Variants in RASSF8 observed in about 807,000 individuals in gnomAD.
The protein encoded by RASSF8 is ras association domain-containing protein 8.
In RASSF8, 22 loss-of-function variants were observed where a neutral mutation model predicts 48.5. The observed-to-expected ratio is 0.45, with a 90% CI of 0.32 to 0.65. The LOEUF (loss-of-function observed/expected upper bound fraction) is 0.65. RASSF8 is among the 30% of genes least tolerant of loss of function. The pLI, the probability that RASSF8 is intolerant of heterozygous loss-of-function variation, is 0.03. For synonymous variants in RASSF8, 127 were observed against 171.5 expected, an observed-to-expected ratio of 0.74 and a Z score of 2.03; for missense variants, 418 against 489.2, an observed-to-expected ratio of 0.85 and a Z score of 1.37.
intron 1 of RASSF8, among the ~76,000 whole-genome samples, chr12:25,964,010 A>C (rs1941298368): frequency 6.6e-6 from 1 of 152,204 alleles, no homozygotes; most frequent in Admixed American, 6.5e-5. Flanking sequence ...GATTTTAAAA[A>C]TGTTGAGAGC....
Position 26,071,596 on chromosome 12 carries a change from T to C in RASSF8, c.*2778T>C, listed in dbSNP as rs1944001885. ...TGTGGACATAGTGTCCATAGTCCCT[T>C]TCTTGTCCTTCTGAGATATTTTGGT... is the stretch of plus-strand genomic sequence containing the variant. On this transcript the variant is annotated 3_prime_UTR_variant, in exon 6 of 6. Coordinates refer to ENST00000689635, the MANE Select transcript of RASSF8 (RefSeq NM_001394098.1). 1.0e-6 allele frequency: 1 copy of C among 985,082 alleles called. No homozygotes were observed. Among genetic ancestry groups the C allele is most frequent in the Non-Finnish European group, 1.2e-6 (1 of 829,726 alleles). The allele number at this position is 985,082 out of a possible 1,614,324, so 61.0% of individuals were successfully genotyped here.
chr12:26,047,163 G>A (rs557570952), intron 2 of RASSF8, among the ~76,000 whole-genome samples: 1 of 152,258 alleles, frequency 6.6e-6, no homozygotes, highest in South Asian at 2.1e-4. Flanking sequence ...TTGCAAAACA[G>A]ATGGCTTTTT....
At chr12:26,079,510 G>C (rs1187592428) in exon 6 of RASSF8, 1 of 151,870 alleles carries the variant, frequency 6.6e-6, no homozygotes. Flanking sequence ...AGGATTGTTT[G>C]AACCCGGGAG....
At chr12:25,973,229 G>T (rs1209938545) in intron 1 of RASSF8, among the ~76,000 whole-genome samples, 1 of 151,526 alleles carries the variant, frequency 6.6e-6, no homozygotes, top group Non-Finnish European at 1.5e-5. Context: ...AGAAGCAAAG[G>T]CTAGTTTATT....
downstream of RASSF8, among the ~76,000 whole-genome samples, chr12:26,073,768 CACACACACAT>C (rs1393001555): frequency 2.9e-5 from 4 of 136,644 alleles, no homozygotes; most frequent in African/African-American, 1.1e-4. Flanking sequence ...CACACACACA[CACACACACAT>C]ATATATATAC....
In RASSF8 at chr12:26,043,324, G is replaced by A. The variant is rs115994546; in HGVS notation, c.-108-11912G>A. 1.7e-4 allele frequency among the ~76,000 whole-genome samples: 26 copies of A among 152,322 alleles called. 1 individual carries two copies. The highest frequency in any genetic ancestry group is 5.3e-4 in the African/African-American group (22 of 41,568). The stretch of plus-strand genomic sequence containing the variant: ...ATATGCAGCTCAGAGATGCTTGGGA[G>A]AGTGATAGATTGAGAGAACAGAAAT... On this transcript the variant is annotated intron_variant, in intron 2 of 5. Transcript: ENST00000689635.
chr12:26,006,368 C>T (rs1178851335), intron 2 of RASSF8, among the ~76,000 whole-genome samples: 1 of 152,176 alleles, frequency 6.6e-6, no homozygotes, highest in Non-Finnish European at 1.5e-5. Flanking sequence ...GTCTCTAAAA[C>T]CTCCAGTCTC....
chr12:26,074,510 AT>A (rs79590266), downstream of RASSF8, among the ~76,000 whole-genome samples: 9,926 of 144,208 alleles, frequency 0.069, 767 homozygotes, highest in East Asian at 0.29. Context: ...GCCCAGCCAA[AT>A]TTTTTTTTTT....
Position 26,071,185 on chromosome 12 carries a change from G to C in RASSF8, c.*2367G>C, listed in dbSNP as rs1450281302. On this transcript the variant is annotated 3_prime_UTR_variant, in exon 6 of 6. Transcript: ENST00000689635. ...TAAGGAATATTTTCTAAGACTCAGA[G>C]GGAAAAAAACTCGTTTTCATAGGAT... is the stretch of plus-strand genomic sequence containing the variant. The C allele has an allele frequency of 1.3e-4, 131 of 978,248 alleles. No homozygotes were observed. Among genetic ancestry groups the C allele is most frequent in the Non-Finnish European group, 1.5e-4 (127 of 823,624 alleles). The allele number at this position is 978,248 out of a possible 1,614,324, so 60.6% of individuals were successfully genotyped here.
intron 1 of RASSF8, chr12:25,973,784 C>T (rs1941538255): frequency 6.6e-6 from 1 of 152,306 alleles, no homozygotes; most frequent in South Asian, 2.1e-4. Flanking sequence ...AGGTGCCATC[C>T]GTGAACCAAA....
At chr12:26,010,911 A>C (rs1232753699) in intron 2 of RASSF8, among the ~76,000 whole-genome samples, 1 of 152,106 alleles carries the variant, frequency 6.6e-6, no homozygotes, top group Non-Finnish European at 1.5e-5. Context: ...AAAAAAAAAC[A>C]GCTCCTCTCC....
intron 1 of RASSF8, among the ~76,000 whole-genome samples, chr12:25,972,445 CCAG>C (rs2136867783): frequency 6.6e-6 from 1 of 152,080 alleles, no homozygotes; most frequent in East Asian, 1.9e-4. Flanking sequence ...GGCATTTACT[CCAG>C]CAGTATTTAT....
intron 2 of RASSF8, among the ~76,000 whole-genome samples, chr12:26,018,717 C>G (rs915406130): frequency 6.6e-6 from 1 of 152,158 alleles, no homozygotes; most frequent in Non-Finnish European, 1.5e-5. Context: ...GGGATAATTA[C>G]CTGCCCACCA....
At chr12:26,008,144 G>A (rs1942435234) in intron 2 of RASSF8, among the ~76,000 whole-genome samples, 2 of 152,022 alleles carry the variant, frequency 1.3e-5, no homozygotes, top group Admixed American at 1.3e-4. Context: ...GTGGTGGCGG[G>A]CGCCTGTAGT....
chr12:26,019,033 C>T (rs765665927), intron 2 of RASSF8, among the ~76,000 whole-genome samples: 1 of 152,046 alleles, frequency 6.6e-6, no homozygotes, highest in Non-Finnish European at 1.5e-5. Flanking sequence ...TAGAGGAGGT[C>T]TTTTGGGTCA....
chr12:26,044,748 G>GTATC (rs1300929856), intron 2 of RASSF8, among the ~76,000 whole-genome samples: 1 of 152,118 alleles, frequency 6.6e-6, no homozygotes, highest in African/African-American at 2.4e-5. Context: ...CTTAAACTTA[G>GTATC]TATCTGTCTT....
chr12:26,028,592 A>T (rs1942964369), intron 2 of RASSF8, among the ~76,000 whole-genome samples: 1 of 152,206 alleles, frequency 6.6e-6, no homozygotes, highest in South Asian at 2.1e-4. Context: ...TACTTCTTGC[A>T]GCTACGGTAA....
chr12:26,025,226 AG>A (rs2137081181), intron 2 of RASSF8, among the ~76,000 whole-genome samples: 1 of 152,118 alleles, frequency 6.6e-6, no homozygotes, highest in South Asian at 2.1e-4. Flanking sequence ...ATTGTGATGG[AG>A]GTTTTAGGCG....
At chr12:26,037,621 T>A (rs1203052320) in intron 2 of RASSF8, among the ~76,000 whole-genome samples, 1 of 152,238 alleles carries the variant, frequency 6.6e-6, no homozygotes, top group Non-Finnish European at 1.5e-5. Context: ...GCAATGAGAT[T>A]GGCATAGAAA....
Sources: gnomAD v4.1 joint callset for allele counts (sites outside exome capture counted in the v4.1 genomes callset) on GRCh38, gnomAD v4.1.1 for gene constraint, MANE v1.5 for transcripts, NCBI Gene and HGNC (gene_info 2026-07-23, HGNC 2026-07-21) for gene names.